CELF5: variants seen among roughly 807,000 people sequenced by gnomAD.
CELF5 encodes the protein CUGBP Elav-like family member 5.
Under a neutral mutation model 54.9 loss-of-function variants are expected in CELF5, and 6 were observed. The ratio of observed to expected loss-of-function variants is 0.11; its 90% CI spans 0.06 to 0.22. The LOEUF (loss-of-function observed/expected upper bound fraction) is 0.22, where lower values mean the gene tolerates loss of function less well. Among genes scored for constraint, CELF5 ranks in the 10% least tolerant of loss-of-function variants. The pLI is 1.00. For synonymous variants in CELF5, 271 were observed against 290.9 expected (o/e 0.93, Z 0.70); for missense variants, 401 against 678.6 (o/e 0.59, Z 4.54).
Position 3,271,516 on chromosome 19 carries a change from C to T in CELF5, c.343-2356C>T, listed in dbSNP as rs547218087. On this transcript the variant is annotated intron_variant, in intron 2 of 12. Transcript: ENST00000292672. ...GGTTGGGCTGGGAGGATTGGGGGCA[C>T]AGGATCAGGGAGGCAGGGGCCTCTT... Among the ~76,000 whole-genome samples the T allele has an allele frequency of 6.2e-4, 94 of 152,210 alleles. 1 individual carries two copies. Among genetic ancestry groups the T allele is most frequent in the African/African-American group, 2.0e-3 (84 of 41,534 alleles).
intron 2 of CELF5, among the ~76,000 whole-genome samples, chr19:3,269,019 A>G (rs1367219619): frequency 1.3e-5 from 2 of 151,860 alleles, no homozygotes; most frequent in Non-Finnish European, 2.9e-5. Context: ...CAGCGTTTAG[A>G]GCAGGGGAGG....
At position 3,293,628 on chromosome 19, in the gene CELF5, C is replaced by T. The variant is rs73521342; in HGVS notation, c.*40+142C>T. The stretch of plus-strand genomic sequence containing the variant: ...ACAAGAAACCTCCGGGTTGGGTTGG[C>T]GGGGACAGAGCTGGATGTAGACACC... On this transcript the variant is annotated intron_variant, in intron 12 of 12. Transcript: ENST00000292672. 5.9e-3 allele frequency: 4,165 copies of T among 706,628 alleles called. 139 individuals carry two copies. In the African/African-American group the frequency reaches 0.062, roughly 11 times the overall value. The allele number at this position is 706,628 out of a possible 1,614,324, so 43.8% of individuals were successfully genotyped here.
intron 1 of CELF5, among the ~76,000 whole-genome samples, chr19:3,237,042 G>A (rs1459705018): frequency 6.8e-6 from 1 of 146,180 alleles, no homozygotes. Flanking sequence ...GCCAGGCGTG[G>A]TGGCTCACGC....
At position 3,282,075 on chromosome 19, in the gene CELF5, C is replaced by T. The variant is rs778984418; in HGVS notation, c.751-51C>T. 3 of 1,606,168 alleles carry T rather than the reference C, an allele frequency of 1.9e-6. No individual in the cohort carries two copies. Among genetic ancestry groups the T allele is most frequent in the East Asian group, 2.2e-5 (1 of 44,732 alleles). ...GGGTACCAAGCCTCCCCTCATAAGC[C>T]ATGATCTCAGGGCAGATATCACCCC... On this transcript the variant is annotated intron_variant, in intron 6 of 12. Coordinates refer to ENST00000292672, the MANE Select transcript of CELF5 (RefSeq NM_021938.4). This position sits in a 1 kb window ranked among gnomAD's most constrained non-coding sequence, Gnocchi z 5.2.
chr19:3,238,526 C>G (rs1270398821), intron 1 of CELF5, among the ~76,000 whole-genome samples: 1 of 152,142 alleles, frequency 6.6e-6, no homozygotes, highest in African/African-American at 2.4e-5. Context: ...AGGGGAGGGT[C>G]CTTCCTGCCT....
At chr19:3,230,045 C>T (rs1917177013) in intron 1 of CELF5, among the ~76,000 whole-genome samples, 1 of 152,112 alleles carries the variant, frequency 6.6e-6, no homozygotes, top group African/African-American at 2.4e-5. Flanking sequence ...CAAGTGAGGC[C>T]TTGGCCATTG....
intron 1 of CELF5, among the ~76,000 whole-genome samples, chr19:3,250,547 G>A (rs551494450): frequency 1.3e-5 from 2 of 152,062 alleles, no homozygotes; most frequent in South Asian, 2.1e-4. Flanking sequence ...ATATTCACAC[G>A]GTTGTGCAAC....
At chr19:3,226,639 T>C (rs1421479293) in intron 1 of CELF5, among the ~76,000 whole-genome samples, 1 of 152,058 alleles carries the variant, frequency 6.6e-6, no homozygotes, top group East Asian at 1.9e-4. Context: ...TCTAGAAAGA[T>C]TCCCGTGGGA....
intron 9 of CELF5, among the ~76,000 whole-genome samples, chr19:3,285,355 G>A (rs1421317899): frequency 7.6e-6 from 1 of 130,842 alleles, no homozygotes; most frequent in African/African-American, 3.0e-5. Context: ...CTCACTTCCT[G>A]CCTTTACTCT....
At chr19:3,232,541 A>G (rs915548281) in intron 1 of CELF5, among the ~76,000 whole-genome samples, 11 of 151,900 alleles carry the variant, frequency 7.2e-5, no homozygotes, top group Non-Finnish European at 1.2e-4. Context: ...GAGGCCCTTT[A>G]CAGAGTGAGT....
In CELF5 at chr19:3,275,453, G is replaced by C. The variant is rs543049633; in HGVS notation, c.395-403G>C. Reference sequence around the variant, plus strand: ...GGTCCGGGGAGCAGACAGAAAGACAGACAGACAGACAGACAGGGACCCAGG... The same window carrying C: ...GGTCCGGGGAGCAGACAGAAAGACACACAGACAGACAGACAGGGACCCAGG... On this transcript the variant is annotated intron_variant, in intron 3 of 12. Coordinates refer to ENST00000292672, the MANE Select transcript of CELF5 (RefSeq NM_021938.4). The surrounding 1 kb of genome is among the most constrained non-coding windows in gnomAD (Gnocchi z 6.7). 1.0e-3 allele frequency among the ~76,000 whole-genome samples: 156 copies of C among 152,222 alleles called. No individual in the cohort carries two copies. Among genetic ancestry groups the C allele is most frequent in the Non-Finnish European group, 1.8e-3 (124 of 68,038 alleles).
At chr19:3,280,334 G>A (rs1365335852) in intron 5 of CELF5, among the ~76,000 whole-genome samples, 3 of 152,040 alleles carry the variant, frequency 2.0e-5, no homozygotes, top group African/African-American at 7.2e-5. Context: ...ACTTTGGGAG[G>A]TCGAGGCGGG....
chr19:3,226,440 TCACACA>T lies in CELF5; in HGVS notation c.259+1473_259+1478del, dbSNP rs71164666. ...CCCCATCTCTTTTCAAAACCAACCATCACACACACACACACACACACACACACACAC... is the reference window on the plus strand; with the variant it reads ...CCCCATCTCTTTTCAAAACCAACCATCACACACACACACACACACACACAC... On this transcript the variant is annotated intron_variant, in intron 1 of 12. Transcript: ENST00000292672. Among the ~76,000 whole-genome samples the T allele has an allele frequency of 3.8e-3, 453 of 118,962 alleles. 3 individuals are homozygous for T. The highest frequency in any genetic ancestry group is 0.022 in the Middle Eastern group (5 of 226). 78.0% of individuals were successfully genotyped at this position (118,962 alleles called of 152,430 possible). A position where few individuals can be genotyped will look rare whatever the true frequency, so the allele number is the denominator to read the frequency against.
At chr19:3,257,041 T>C (rs1289311711) in intron 2 of CELF5, among the ~76,000 whole-genome samples, 1 of 152,136 alleles carries the variant, frequency 6.6e-6, no homozygotes, top group African/African-American at 2.4e-5. Flanking sequence ...ACTCCTGGGA[T>C]CAAGCGAGCC....
At chr19:3,286,562 AT>A (rs1357565507) in intron 10 of CELF5, 1 of 152,262 alleles carries the variant, frequency 6.6e-6, no homozygotes, top group African/African-American at 2.4e-5. Flanking sequence ...GCAAGACCCC[AT>A]GTCTACAAAA....
At chr19:3,267,240 C>CCA (rs1439844747) in intron 2 of CELF5, among the ~76,000 whole-genome samples, 1 of 151,992 alleles carries the variant, frequency 6.6e-6, no homozygotes, top group Admixed American at 6.6e-5. Context: ...GAGCCCCCCC[C>CCA]ACCAACCGCC....
rs748935452 is a variant in CELF5, at chr19:3,228,370, C to T, written c.259+3372C>T. ...AACTGGAGGCTGGGATTGGGGCTCCCGCTGGCCCCCCTGCAGTTCCTGCCC... is the reference window on the plus strand; with the variant it reads ...AACTGGAGGCTGGGATTGGGGCTCCTGCTGGCCCCCCTGCAGTTCCTGCCC... On this transcript the variant is annotated intron_variant, in intron 1 of 12. Transcript: ENST00000292672. The surrounding 1 kb of genome is among the most constrained non-coding windows in gnomAD (Gnocchi z 6.0). Among the ~76,000 whole-genome samples the T allele has an allele frequency of 5.8e-4, 89 of 152,286 alleles. 1 individual carries two copies. Among genetic ancestry groups the T allele is most frequent in the Non-Finnish European group, 1.1e-3 (76 of 68,000 alleles).
Position 3,224,727 on chromosome 19 carries a change from T to C in CELF5, c.-13T>C, listed in dbSNP as rs897271963. ...CCCGCCGCCGCCGCCGCCGGCTCGG[T>C]CCCGCGCCCGCCATGGCCCGCCTGA... is the stretch of plus-strand genomic sequence containing the variant. On this transcript the variant is annotated 5_prime_UTR_variant, in exon 1 of 13. Transcript: ENST00000292672. 1 of 1,197,096 alleles carries C rather than the reference T, an allele frequency of 8.4e-7. No individual in the cohort carries two copies. Among genetic ancestry groups the C allele is most frequent in the Admixed American group, 4.9e-5 (1 of 20,216 alleles). 74.2% of individuals were successfully genotyped at this position (1,197,096 alleles called of 1,614,324 possible).
intron 2 of CELF5, among the ~76,000 whole-genome samples, chr19:3,272,122 A>G (rs574091914): frequency 6.6e-6 from 1 of 152,128 alleles, no homozygotes; most frequent in Non-Finnish European, 1.5e-5. Context: ...AATCCCAGCA[A>G]TTTGGGAGGC....
Sources: allele counts gnomAD v4.1 joint callset (sites outside exome capture counted in the v4.1 genomes callset), GRCh38; gene constraint gnomAD v4.1.1; non-coding constraint Gnocchi (gnomAD v3.1); transcripts MANE v1.5; gene names NCBI Gene and HGNC (gene_info 2026-07-23, HGNC 2026-07-21).